The following SLC26A7 variants were observed in gnomAD, a reference collection of about 807,000 sequenced individuals.
The protein encoded by SLC26A7 is solute carrier family 26 member 7.
SLC26A7 carries 59 observed loss-of-function variants against 82.5 expected under a neutral mutation model. That is an observed-to-expected ratio of 0.72 (90% CI 0.58 to 0.89). The LOEUF is 0.89. Among genes scored for constraint, SLC26A7 ranks in the 40% least tolerant of loss-of-function variants. The probability of loss-of-function intolerance (pLI) is 0.00; values close to 1 mark genes in which losing one functional copy is unlikely to be tolerated. For synonymous variants in SLC26A7, 271 were observed against 274.3 expected (o/e 0.99, Z 0.12); for missense variants, 820 against 793.0 (o/e 1.03, Z -0.41).
At chr8:91,322,866 CT>C (rs1436523512) in intron 5 of SLC26A7, among the ~76,000 whole-genome samples, 1 of 152,136 alleles carries the variant, frequency 6.6e-6, no homozygotes, top group Non-Finnish European at 1.5e-5. Flanking sequence ...CAGTTTAATT[CT>C]CACCCCCCAC....
At chr8:91,333,118 G>T (rs149522045) in intron 5 of SLC26A7, among the ~76,000 whole-genome samples, 1 of 151,980 alleles carries the variant, frequency 6.6e-6, no homozygotes, top group Non-Finnish European at 1.5e-5. Flanking sequence ...TGTGCTAGTC[G>T]ATTTAGATGC....
At chr8:91,210,321 C>T (rs1191416809) in intron 1 of SLC26A7, among the ~76,000 whole-genome samples, 2 of 152,032 alleles carry the variant, frequency 1.3e-5, no homozygotes, top group African/African-American at 4.8e-5. Flanking sequence ...TTTTTTCCTG[C>T]ACTAGAACAT....
intron 11 of SLC26A7, among the ~76,000 whole-genome samples, chr8:91,357,632 G>A (rs1376217759): frequency 1.3e-5 from 2 of 152,130 alleles, no homozygotes; most frequent in African/African-American, 2.4e-5. Flanking sequence ...AGACTTAAAT[G>A]TTAGACCTAA....
chr8:91,303,771 T>C (rs1031830691), intron 4 of SLC26A7, among the ~76,000 whole-genome samples: 50 of 152,186 alleles, frequency 3.3e-4, no homozygotes, highest in Non-Finnish European at 5.9e-4. Context: ...ATCAGGAGTA[T>C]AGAAGGGACA....
chr8:91,239,836 A>C (rs1242593001), intron 2 of SLC26A7, among the ~76,000 whole-genome samples: 1 of 152,194 alleles, frequency 6.6e-6, no homozygotes, highest in East Asian at 1.9e-4. Context: ...CACAGGAGAA[A>C]AGGAAAACAT....
intron 3 of SLC26A7, among the ~76,000 whole-genome samples, chr8:91,291,504 T>A (rs1811867001): frequency 6.6e-6 from 1 of 152,222 alleles, no homozygotes; most frequent in Non-Finnish European, 1.5e-5. Context: ...AATAAAAAAG[T>A]TGTTTTAATA....
At chr8:91,260,189 C>T (rs778661466) in intron 2 of SLC26A7, among the ~76,000 whole-genome samples, 3 of 151,996 alleles carry the variant, frequency 2.0e-5, no homozygotes, top group Non-Finnish European at 2.9e-5. Flanking sequence ...CCTCAGAAAA[C>T]TTATAGTCAT....
chr8:91,344,014 A>T, intron 9 of SLC26A7: 1 of 973,498 alleles, frequency 1.0e-6, no homozygotes, highest in Non-Finnish European at 1.2e-6. Context: ...TGGTAAGATG[A>T]TGATGATGAT....
At chr8:91,228,309 A>G (rs1395776643) in intron 2 of SLC26A7, among the ~76,000 whole-genome samples, 5 of 152,240 alleles carry the variant, frequency 3.3e-5, no homozygotes, top group African/African-American at 1.2e-4. Context: ...ATGAGCTATG[A>G]AAACTAAAAG....
rs1353985752 is a variant in SLC26A7 at position 91,389,409 on chromosome 8, G to A, written c.1747G>A (p.Asp583Asn). ...GGATTGCAGTGGATTTACCTTTTTT[G>A]ACTATTCTGGAGTCTCCATGCTTGT... is the stretch of plus-strand genomic sequence containing the variant. ...ILDCSGFTFF[D>N]YSGVSMLVEV... Residue 583 changes from aspartate (D) to asparagine (N), a missense_variant, in exon 16 of 19, where the codon GAC becomes AAC. Asp to Asn is a conservative substitution (Grantham distance 23). Transcript: ENST00000276609. 1.2e-6 allele frequency: 2 copies of A among 1,613,396 alleles called. No homozygotes were observed. The highest frequency in any genetic ancestry group is 2.2e-5 in the South Asian group (2 of 91,048).
chr8:91,374,158 G>A (rs1563706818), intron 15 of SLC26A7, among the ~76,000 whole-genome samples: 1 of 151,008 alleles, frequency 6.6e-6, no homozygotes, highest in Non-Finnish European at 1.5e-5. Flanking sequence ...TATTAATTTT[G>A]TTTAGCCTTT....
At chr8:91,306,969 C>G (rs563022745) in intron 4 of SLC26A7, among the ~76,000 whole-genome samples, 2,810 of 147,042 alleles carry the variant, frequency 0.019, 51 homozygotes, top group Non-Finnish European at 0.029. Flanking sequence ...ACAAACAACC[C>G]CATCAAAAAG....
At chr8:91,280,775 C>T (rs559989169) in intron 2 of SLC26A7, among the ~76,000 whole-genome samples, 2 of 152,194 alleles carry the variant, frequency 1.3e-5, no homozygotes, top group Non-Finnish European at 2.9e-5. Flanking sequence ...TACTTTGGAT[C>T]CAGTCAGCCA....
intron 2 of SLC26A7, among the ~76,000 whole-genome samples, chr8:91,276,015 G>A (rs996447086): frequency 6.6e-6 from 1 of 152,130 alleles, no homozygotes; most frequent in Non-Finnish European, 1.5e-5. Flanking sequence ...TCTTTAAGTA[G>A]TAAATTAACC....
upstream of SLC26A7, among the ~76,000 whole-genome samples, chr8:91,247,773 AT>A (rs1482942176): frequency 2.6e-5 from 4 of 151,496 alleles, no homozygotes; most frequent in Non-Finnish European, 5.9e-5. Flanking sequence ...TTTAAAAATG[AT>A]TGAAATTACA....
intron 2 of SLC26A7, among the ~76,000 whole-genome samples, chr8:91,239,395 A>AAAAATAT (rs1554600121): frequency 1.1e-5 from 1 of 94,860 alleles, no homozygotes; most frequent in Non-Finnish European, 2.3e-5. Context: ...AAAAAAAAAA[A>AAAAATAT]ATATATATAT....
chr8:91,372,550 GATTT>G (rs1814394318), intron 15 of SLC26A7, among the ~76,000 whole-genome samples: 1 of 151,860 alleles, frequency 6.6e-6, no homozygotes, highest in Admixed American at 6.6e-5. Flanking sequence ...TAGGTATGTG[GATTT>G]ATTTCTGGAT....
intron 2 of SLC26A7, among the ~76,000 whole-genome samples, chr8:91,281,217 T>G (rs1811562958): frequency 6.6e-5 from 10 of 152,236 alleles, no homozygotes; most frequent in Admixed American, 6.5e-4. Flanking sequence ...GCCCTCTTTT[T>G]GGATTTTTAC....
chr8:91,363,581 T>A (rs767592802), intron 13 of SLC26A7, 43 bp downstream of exon 13: 6 of 1,151,810 alleles, frequency 5.2e-6, no homozygotes, highest in Admixed American at 2.4e-5. Context: ...TGTTAATCAT[T>A]TTGTGGGTGA....
Sources: gnomAD v4.1 joint callset for allele counts (sites outside exome capture counted in the v4.1 genomes callset) on GRCh38, gnomAD v4.1.1 for gene constraint, MANE v1.5 for transcripts, NCBI Gene and HGNC (gene_info 2026-07-23, HGNC 2026-07-21) for gene names.